The following NRCAM variants were observed in gnomAD, a reference collection of about 807,000 sequenced individuals.
The protein encoded by NRCAM is NgCAM-related cell adhesion molecule.
NRCAM carries 83 observed loss-of-function variants against 156.5 expected under a neutral mutation model. The ratio of observed to expected loss-of-function variants is 0.53; its 90% CI spans 0.44 to 0.64. The LOEUF (loss-of-function observed/expected upper bound fraction) is 0.64, where lower values mean the gene tolerates loss of function less well. NRCAM is among the 30% of genes least tolerant of loss of function. The pLI, the probability that NRCAM is intolerant of heterozygous loss-of-function variation, is 0.00. For synonymous variants in NRCAM, 538 were observed against 563.9 expected, an observed-to-expected ratio of 0.95 and a Z score of 0.65; for missense variants, 1,417 against 1,597.3, an observed-to-expected ratio of 0.89 and a Z score of 1.92.
At chr7:108,455,775 G>A (rs968810210) in intron 1 of NRCAM, among the ~76,000 whole-genome samples, 1 of 152,068 alleles carries the variant, frequency 6.6e-6, no homozygotes, top group Non-Finnish European at 1.5e-5. Context: ...CGGCCCCCGC[G>A]CTCCTCGCCC....
intron 30 of NRCAM, 60 bp from the exon 31 acceptor site, chr7:108,160,552 A>G: frequency 6.7e-7 from 1 of 1,491,618 alleles, no homozygotes; most frequent in Non-Finnish European, 9.0e-7. Flanking sequence ...GAACTGCTGC[A>G]GTCTCTCAGA....
At chr7:108,227,734 C>G (rs2093705524) in intron 8 of NRCAM, among the ~76,000 whole-genome samples, 1 of 152,154 alleles carries the variant, frequency 6.6e-6, no homozygotes, top group African/African-American at 2.4e-5. Context: ...AAAAGTCACA[C>G]ATCCCAGTGG....
At chr7:108,340,707 G>A (rs1234156256) in intron 2 of NRCAM, among the ~76,000 whole-genome samples, 1 of 152,194 alleles carries the variant, frequency 6.6e-6, no homozygotes, top group African/African-American at 2.4e-5. Flanking sequence ...ATTATTCAAT[G>A]ATGTCCACTA....
intron 2 of NRCAM, among the ~76,000 whole-genome samples, chr7:108,343,234 G>A (rs2099313548): frequency 6.6e-6 from 1 of 152,096 alleles, no homozygotes; most frequent in Non-Finnish European, 1.5e-5. Flanking sequence ...AGTAGAATTA[G>A]AAGGAAAAAG....
intron 13 of NRCAM, among the ~76,000 whole-genome samples, chr7:108,203,858 GC>G (rs1468363108): frequency 3.3e-5 from 5 of 152,228 alleles, no homozygotes; most frequent in African/African-American, 1.2e-4. Context: ...AGTGCTGTCA[GC>G]AAGCCAGCTT....
intron 30 of NRCAM, 78 bp from the exon 31 acceptor site, chr7:108,160,570 A>T: frequency 7.4e-7 from 1 of 1,355,422 alleles, no homozygotes; most frequent in Non-Finnish European, 1.0e-6. Context: ...AGAGTAAAAA[A>T]TTGCCACGTT....
chr7:108,373,604 C>G (rs780698645), intron 2 of NRCAM, among the ~76,000 whole-genome samples: 1 of 152,152 alleles, frequency 6.6e-6, no homozygotes, highest in Non-Finnish European at 1.5e-5. Context: ...TGGTTGTTAG[C>G]ACACTGGTGC....
At chr7:108,269,600 C>G (rs976032820) in intron 3 of NRCAM, among the ~76,000 whole-genome samples, 1 of 152,072 alleles carries the variant, frequency 6.6e-6, no homozygotes, top group Non-Finnish European at 1.5e-5. Context: ...GTTACACACT[C>G]GCATATGATA....
At chr7:108,222,818 C>T (rs531030975) in intron 11 of NRCAM, among the ~76,000 whole-genome samples, 9 of 152,232 alleles carry the variant, frequency 5.9e-5, no homozygotes, top group African/African-American at 1.7e-4. Context: ...TCAGCAGATG[C>T]GCCCATACCA....
chr7:108,378,307 A>G (rs917069068), intron 2 of NRCAM, among the ~76,000 whole-genome samples: 4 of 152,192 alleles, frequency 2.6e-5, no homozygotes, highest in African/African-American at 9.6e-5. Context: ...CCTGAAAAAA[A>G]TGATTTAAAT....
intron 1 of NRCAM, among the ~76,000 whole-genome samples, chr7:108,411,677 G>A (rs1180631614): frequency 2.6e-5 from 4 of 152,118 alleles, no homozygotes; most frequent in African/African-American, 9.7e-5. Context: ...TTACAGGTGT[G>A]CGCCACCACG....
chr7:108,286,345 T>A (rs984191876), intron 3 of NRCAM, among the ~76,000 whole-genome samples: 3 of 152,066 alleles, frequency 2.0e-5, no homozygotes, highest in Admixed American at 2.0e-4. Flanking sequence ...TTTTCAGAAA[T>A]TAAGTGCATC....
chr7:108,193,105 C>T (rs2073067421), intron 17 of NRCAM, among the ~76,000 whole-genome samples: 1 of 152,294 alleles, frequency 6.6e-6, no homozygotes, highest in African/African-American at 2.4e-5. Context: ...TCACTGGAGT[C>T]TCAACCTTCT....
At chr7:108,367,141 T>A (rs1486661889) in intron 2 of NRCAM, among the ~76,000 whole-genome samples, 2 of 152,200 alleles carry the variant, frequency 1.3e-5, no homozygotes, top group African/African-American at 4.8e-5. Flanking sequence ...TATGGGCATG[T>A]TAAATCACAC....
intron 3 of NRCAM, among the ~76,000 whole-genome samples, chr7:108,281,528 A>G (rs1268345732): frequency 2.0e-5 from 3 of 152,238 alleles, no homozygotes; most frequent in Non-Finnish European, 4.4e-5. Flanking sequence ...TTCATGGCAT[A>G]GGAAATATGT....
chr7:108,357,158 C>T (rs1194728066), intron 2 of NRCAM, among the ~76,000 whole-genome samples: 1 of 152,088 alleles, frequency 6.6e-6, no homozygotes, highest in Non-Finnish European at 1.5e-5. Context: ...AAGAAGAGGG[C>T]AAAAGTCTCC....
At chr7:108,390,973 A>G (rs1382966678) in intron 2 of NRCAM, among the ~76,000 whole-genome samples, 1 of 152,202 alleles carries the variant, frequency 6.6e-6, no homozygotes, top group South Asian at 2.1e-4. Context: ...TACATTTGCT[A>G]AGGAGTGCTT....
At chr7:108,370,973 G>A (rs1315998862) in intron 2 of NRCAM, among the ~76,000 whole-genome samples, 4 of 152,090 alleles carry the variant, frequency 2.6e-5, no homozygotes, top group African/African-American at 9.7e-5. Context: ...ACCAGAACTG[G>A]ATTTCTTCTT....
intron 3 of NRCAM, among the ~76,000 whole-genome samples, chr7:108,289,619 C>G (rs1418792114): frequency 2.6e-5 from 4 of 152,084 alleles, no homozygotes; most frequent in African/African-American, 9.7e-5. Context: ...GGGAGGCACT[C>G]AAGAAATGGT....
Sources: allele counts gnomAD v4.1 joint callset (sites outside exome capture counted in the v4.1 genomes callset), GRCh38; gene constraint gnomAD v4.1.1; transcripts MANE v1.5; gene names NCBI Gene and HGNC (gene_info 2026-07-23, HGNC 2026-07-21).